The following MRTFB variants were observed in gnomAD, a reference collection of about 807,000 sequenced individuals.
The protein encoded by MRTFB is myocardin-related transcription factor B.
Under a neutral mutation model 104.2 loss-of-function variants are expected in MRTFB, and 29 were observed. The ratio of observed to expected loss-of-function variants is 0.28; its 90% CI spans 0.21 to 0.38. MRTFB has a LOEUF of 0.38. Among genes scored for constraint, MRTFB ranks in the 10% least tolerant of loss-of-function variants. The pLI is 1.00. For missense variants in MRTFB, 1,270 were observed against 1,341.6 expected, an observed-to-expected ratio of 0.95 and a Z score of 0.83; for synonymous variants, 535 against 519.5, an observed-to-expected ratio of 1.03 and a Z score of -0.41.
chr16:14,186,849 C>A (rs1261062704), intron 3 of MRTFB: 2 of 1,595,902 alleles, frequency 1.3e-6, no homozygotes, highest in Non-Finnish European at 1.7e-6. Flanking sequence ...GCGCACCGCA[C>A]TTCGCTCTTC....
the MRTFB span, among the ~76,000 whole-genome samples, chr16:13,996,211 G>A: frequency 7.2e-5 from 11 of 152,166 alleles, no homozygotes; most frequent in South Asian, 6.2e-4. Context: ...GGCGGAGGTT[G>A]CAGTGAGCCA....
intron 3 of MRTFB, among the ~76,000 whole-genome samples, chr16:14,155,838 CTG>C (rs1315150181): frequency 2.0e-5 from 3 of 152,200 alleles, no homozygotes; most frequent in African/African-American, 7.2e-5. Flanking sequence ...AGATTTTACT[CTG>C]TGTACATACA....
rs201605678 is a variant in MRTFB at position 14,252,449 on chromosome 16, C to G, written c.2650C>G (p.Arg884Gly). The G allele has an allele frequency of 6.8e-5, 110 of 1,613,816 alleles. No individual in the cohort carries two copies. In the Middle Eastern group the frequency reaches 2.6e-3, roughly 39 times the overall value. The change falls in exon 15 of 17, where the codon CGC becomes GGC. Residue 884 changes from arginine (R) to glycine (G), a missense_variant. By Grantham distance (125) the Arg-to-Gly change is moderately radical (BLOSUM62 -2). Coordinates refer to ENST00000571589, the MANE Select transcript of MRTFB (RefSeq NM_001308142.2). ...AGTCGCCAAGACAAAAGATCCCCCC[C>G]GCTATGAGGAGGCCATCAAGCAGAC... is the stretch of plus-strand genomic sequence containing the variant. ...SPVAKTKDPP[R>G]YEEAIKQTRS...
chr16:14,113,728 G>A (rs994502493), intron 2 of MRTFB, among the ~76,000 whole-genome samples: 1 of 152,106 alleles, frequency 6.6e-6, no homozygotes, highest in Non-Finnish European at 1.5e-5. Context: ...GAGGGGCTGG[G>A]TGATCAATAG....
intron 8 of MRTFB, among the ~76,000 whole-genome samples, chr16:14,220,849 G>GA (rs975383197): frequency 4.2e-4 from 64 of 152,042 alleles, no homozygotes; most frequent in Admixed American, 1.5e-3. Flanking sequence ...ATACATTCAA[G>GA]AAAAAAAACC....
the MRTFB span, among the ~76,000 whole-genome samples, chr16:13,995,895 A>G: frequency 6.6e-6 from 1 of 152,166 alleles, no homozygotes; most frequent in South Asian, 2.1e-4. Context: ...ACAATTCCAC[A>G]TGAGATTTGG....
At chr16:14,253,872 A>G (rs895127159) in intron 15 of MRTFB, among the ~76,000 whole-genome samples, 14 of 152,234 alleles carry the variant, frequency 9.2e-5, no homozygotes, top group African/African-American at 2.9e-4. Flanking sequence ...AATATTTGCA[A>G]TAAGAAGTCA....
intron 2 of MRTFB, among the ~76,000 whole-genome samples, chr16:14,083,835 C>G (rs1161543076): frequency 6.6e-6 from 1 of 152,084 alleles, no homozygotes; most frequent in Non-Finnish European, 1.5e-5. Context: ...AGTCTTGTTC[C>G]GCCATCTTGT....
chr16:14,029,405 TAAAA>T, the MRTFB span, among the ~76,000 whole-genome samples: 101 of 87,126 alleles, frequency 1.2e-3, 1 homozygote, highest in African/African-American at 4.7e-3. Flanking sequence ...GACTCTGTCT[TAAAA>T]AAAAAAAAAA....
intron 8 of MRTFB, among the ~76,000 whole-genome samples, chr16:14,223,729 C>T (rs1056568522): frequency 1.3e-5 from 2 of 151,976 alleles, no homozygotes; most frequent in Non-Finnish European, 2.9e-5. Flanking sequence ...TTATAGGACA[C>T]CATCAAGCGA....
the MRTFB span, among the ~76,000 whole-genome samples, chr16:14,060,801 C>A: frequency 4.6e-5 from 7 of 152,042 alleles, no homozygotes; most frequent in African/African-American, 1.7e-4. Context: ...ATATATCAGG[C>A]GGGATAGGCT....
chr16:14,118,332 G>T (rs2036652731), intron 2 of MRTFB, among the ~76,000 whole-genome samples: 1 of 151,338 alleles, frequency 6.6e-6, no homozygotes, highest in Admixed American at 6.6e-5. Flanking sequence ...TATAGAGATG[G>T]GGTTTTGCCA....
chr16:14,216,042 G>C (rs932939027), intron 6 of MRTFB, among the ~76,000 whole-genome samples: 9 of 152,172 alleles, frequency 5.9e-5, no homozygotes, highest in Non-Finnish European at 1.2e-4. Context: ...ATAACATTTA[G>C]TTAAATTATG....
At chr16:14,109,201 T>C (rs564427499) in intron 2 of MRTFB, among the ~76,000 whole-genome samples, 2 of 152,338 alleles carry the variant, frequency 1.3e-5, no homozygotes, top group Admixed American at 1.3e-4. Context: ...AGCTGTTGTG[T>C]AGTTCCTTCC....
chr16:14,243,944 C>G lies in MRTFB; in HGVS notation c.1080-1584C>G, dbSNP rs140128741. Reference sequence around the variant, plus strand: ...GTGCAATCTCGGCTCACTGCAAGCTCTGCCTCTCGGGTTCACACCACCTCC... The same window carrying G: ...GTGCAATCTCGGCTCACTGCAAGCTGTGCCTCTCGGGTTCACACCACCTCC... On this transcript the variant is annotated intron_variant, in intron 10 of 16. Coordinates refer to ENST00000571589, the MANE Select transcript of MRTFB (RefSeq NM_001308142.2). 2.2e-3 allele frequency among the ~76,000 whole-genome samples: 334 copies of G among 148,864 alleles called. 3 individuals carry two copies. Among genetic ancestry groups the G allele is most frequent in the Admixed American group, 4.1e-3 (61 of 14,922 alleles).
chr16:14,240,092 C>T (rs192830529), intron 9 of MRTFB, 145 bp from the exon 10 acceptor site: 51 of 996,762 alleles, frequency 5.1e-5, no homozygotes, highest in Admixed American at 5.1e-4. Flanking sequence ...GCTTTTGAAA[C>T]GAATTTAGCA....
intron 3 of MRTFB, among the ~76,000 whole-genome samples, chr16:14,173,651 A>G (rs1025317381): frequency 2.0e-5 from 3 of 151,106 alleles, no homozygotes; most frequent in African/African-American, 7.4e-5. Context: ...ATTTTTGGAA[A>G]TATGTCTTGT....
chr16:14,014,464 G>C, the MRTFB span, among the ~76,000 whole-genome samples: 6 of 152,154 alleles, frequency 3.9e-5, no homozygotes, highest in East Asian at 1.2e-3. Flanking sequence ...GCTGAGGCAG[G>C]AGAATTGCTT....
At chr16:14,058,248 G>A in the MRTFB span, among the ~76,000 whole-genome samples, 7 of 152,338 alleles carry the variant, frequency 4.6e-5, no homozygotes, top group East Asian at 3.9e-4. Flanking sequence ...AACACTATCC[G>A]TTCTCGGAAG....
Sources: gnomAD v4.1 joint callset for allele counts (sites outside exome capture counted in the v4.1 genomes callset) on GRCh38, gnomAD v4.1.1 for gene constraint, MANE v1.5 for transcripts, NCBI Gene and HGNC (gene_info 2026-07-23, HGNC 2026-07-21) for gene names.